Variants in HAUS8 observed in about 807,000 individuals in gnomAD.
HAUS8 encodes the protein HAUS augmin-like complex subunit 8.
HAUS8 carries 38 observed loss-of-function variants against 42.9 expected under a neutral mutation model. The ratio of observed to expected loss-of-function variants is 0.89; its 90% CI spans 0.68 to 1.16. HAUS8 has a LOEUF of 1.16. Ranked by LOEUF, HAUS8 falls within the 50% of genes most tolerant of loss-of-function variation. The pLI, the probability that HAUS8 is intolerant of heterozygous loss-of-function variation, is 0.00. For missense variants in HAUS8, 494 were observed against 511.6 expected (o/e 0.97, Z 0.33); for synonymous variants, 199 against 205.8 (o/e 0.97, Z 0.28).
At chr19:17,053,025 A>AC (rs1337081629) in intron 9 of HAUS8, 59 bp from the exon 10 acceptor site, 1 of 1,604,520 alleles carries the variant, frequency 6.2e-7, no homozygotes, top group Non-Finnish European at 8.5e-7. Flanking sequence ...CAAGGCACAC[A>AC]CAAGTGGAGC....
intron 10 of HAUS8, chr19:17,052,255 A>C (rs2057292045): frequency 6.6e-6 from 1 of 152,142 alleles, no homozygotes; most frequent in Non-Finnish European, 1.5e-5. Context: ...GGCGTGAGCC[A>C]CTGCGCCTGG....
chr19:17,054,891 G>A (rs1243668210), intron 9 of HAUS8, among the ~76,000 whole-genome samples: 1 of 149,432 alleles, frequency 6.7e-6, no homozygotes, highest in Non-Finnish European at 1.5e-5. Context: ...TCTGAGTAGA[G>A]CCTGAGAAGT....
rs751139173 is a variant in HAUS8 at position 17,058,711 on chromosome 19, T to C, written c.487-4A>G. 6.2e-6 allele frequency: 10 copies of C among 1,604,464 alleles called. 1 individual carries two copies. The Admixed American group carries it at 1.2e-4, about 19-fold the overall frequency. On this transcript the variant is annotated splice_polypyrimidine_tract_variant and splice_region_variant and intron_variant, in intron 7 of 10. Coordinates refer to ENST00000253669, the MANE Select transcript of HAUS8 (RefSeq NM_033417.2). Reference sequence around the variant, plus strand: ...ACTCAGCAAGATTGTTCTCCATCTGTTAAATGTGAAAGAAAAGCTCAAGCA... The same window carrying C: ...ACTCAGCAAGATTGTTCTCCATCTGCTAAATGTGAAAGAAAAGCTCAAGCA...
In HAUS8 at chr19:17,058,614, C is replaced by T. The variant is rs373422654; in HGVS notation, c.580G>A (p.Glu194Lys). 64 of 1,613,588 alleles carry T rather than the reference C, an allele frequency of 4.0e-5. No homozygotes were observed. Among genetic ancestry groups the T allele is most frequent in the East Asian group, 2.2e-5 (1 of 44,900 alleles). ...EKEKLQKKAH[E>K]LKRRLLLSQR... Reference sequence around the variant, plus strand: ...GAGAGGAGAAGCCTGCGCTTCAGCTCGTGGGCCTTTTTCTGTAGCTTCTCC... The same window carrying T: ...GAGAGGAGAAGCCTGCGCTTCAGCTTGTGGGCCTTTTTCTGTAGCTTCTCC... The change falls in exon 8 of 11, where the codon GAG becomes AAG. Residue 194 changes from glutamate to lysine, a missense_variant. By Grantham distance (56) the Glu-to-Lys change is moderately conservative (BLOSUM62 1). Transcript: ENST00000253669.
intron 2 of HAUS8, among the ~76,000 whole-genome samples, chr19:17,071,563 G>A (rs2057424086): frequency 6.6e-6 from 1 of 152,186 alleles, no homozygotes; most frequent in South Asian, 2.1e-4. Flanking sequence ...CCAGCAGAAA[G>A]ACCATCCAGC....
At chr19:17,060,296 C>G (rs943844609) in intron 4 of HAUS8, 5 of 531,042 alleles carry the variant, frequency 9.4e-6, no homozygotes, top group Admixed American at 3.3e-5. Context: ...TAAAGTACCA[C>G]TAGAAGACAG....
At chr19:17,075,215 G>T (rs1463420247) in intron 1 of HAUS8, 179 bp downstream of exon 1, 3 of 679,276 alleles carry the variant, frequency 4.4e-6, no homozygotes, top group South Asian at 3.5e-5. Flanking sequence ...CCGGTCGGGT[G>T]TCAGCGCTCC....
chr19:17,055,222 C>A, intron 9 of HAUS8: 1 of 101,974 alleles, frequency 9.8e-6, no homozygotes, highest in South Asian at 3.7e-4. Flanking sequence ...CACGTGTACT[C>A]CTAGCTACTC....
chr19:17,075,297 G>A (rs2057463867), intron 1 of HAUS8, 97 bp downstream of exon 1: 9 of 1,391,044 alleles, frequency 6.5e-6, no homozygotes, highest in Non-Finnish European at 9.2e-6. Context: ...GGTCGAACCC[G>A]AACTCACCCC....
intron 1 of HAUS8, 106 bp from the exon 2 acceptor site, chr19:17,073,441 G>A: frequency 9.9e-7 from 1 of 1,012,862 alleles, no homozygotes; most frequent in Non-Finnish European, 1.6e-6. Context: ...CAGTCCAAGG[G>A]CTGCCAGAGG....
chr19:17,050,046 A>G lies in HAUS8; in HGVS notation c.1060T>C (p.Cys354Arg), dbSNP rs1454093234. ...TTGGGTGCTCCCCCAGATTCTCTGCAGGCACTGTCTTGATTGAAATACCAC... is the reference window on the plus strand; with the variant it reads ...TTGGGTGCTCCCCCAGATTCTCTGCGGGCACTGTCTTGATTGAAATACCAC... Reference protein sequence around the residue: ...SRWYFNQDSACRESGGAPKNT... With the variant: ...SRWYFNQDSARRESGGAPKNT... Residue 354 changes from cysteine to arginine, a missense_variant, in exon 11 of 11, where the codon TGC becomes CGC. Transcript: ENST00000253669. 9.3e-6 allele frequency: 15 copies of G among 1,609,030 alleles called. No individual in the cohort carries two copies. The highest frequency in any genetic ancestry group is 1.3e-5 in the Non-Finnish European group (15 of 1,178,132).
At chr19:17,069,199 C>G (rs1227297509) in intron 2 of HAUS8, 113 bp from the exon 3 acceptor site, 1 of 887,744 alleles carries the variant, frequency 1.1e-6, no homozygotes, top group East Asian at 2.6e-5. Flanking sequence ...CACTCAGTGA[C>G]CAGAACAGAG....
intron 2 of HAUS8, among the ~76,000 whole-genome samples, chr19:17,072,337 C>A (rs2057431127): frequency 7.9e-6 from 1 of 127,206 alleles, no homozygotes; most frequent in African/African-American, 3.1e-5. Context: ...CCGAGCATTT[C>A]CTTTTTTTTT....
chr19:17,055,134 AAAAAAAAAAATATATATATATAT>A (rs2057313414), intron 9 of HAUS8: 1 of 39,036 alleles, frequency 2.6e-5, no homozygotes, highest in Admixed American at 4.7e-4. Context: ...AAAAAAAAAA[AAAAAAAAAAATATATATATATAT>A]ATATATATAT....
intron 1 of HAUS8, chr19:17,074,435 G>T (rs575467949): frequency 6.6e-6 from 1 of 152,404 alleles, no homozygotes; most frequent in Non-Finnish European, 1.5e-5. Flanking sequence ...GCGCTCGCCC[G>T]TAGGCTCCTC....
intron 2 of HAUS8, among the ~76,000 whole-genome samples, chr19:17,070,786 T>C (rs1441712417): frequency 6.6e-6 from 1 of 152,220 alleles, no homozygotes; most frequent in Non-Finnish European, 1.5e-5. Context: ...TGAATGATTC[T>C]AGGCCAGGCG....
intron 10 of HAUS8, 82 bp from the exon 11 acceptor site, chr19:17,050,258 C>T (rs2057279198): frequency 4.6e-6 from 5 of 1,093,232 alleles, no homozygotes; most frequent in Non-Finnish European, 6.1e-6. Flanking sequence ...GGCTGCCACA[C>T]GGGGAGGCGG....
chr19:17,059,666 A>G lies in HAUS8; in HGVS notation c.326-15T>C, dbSNP rs200511871. 4.7e-5 allele frequency: 75 copies of G among 1,588,094 alleles called. No individual in the cohort carries two copies. The Admixed American group carries it at 6.9e-4, about 15-fold the overall frequency. On this transcript the variant is annotated splice_polypyrimidine_tract_variant and intron_variant, in intron 5 of 10. Transcript: ENST00000253669. ...GATGCTTTTGTCTAAGATAAAGCAC[A>G]GCATTTTTAATGGCAAGTAGCGTAT...
chr19:17,075,182 A>G, intron 1 of HAUS8: 1 of 561,634 alleles, frequency 1.8e-6, no homozygotes, highest in Admixed American at 3.1e-5. Flanking sequence ...CCAGCGTCCC[A>G]GCCGAGGACG....
Sources: allele counts gnomAD v4.1 joint callset (sites outside exome capture counted in the v4.1 genomes callset), GRCh38; gene constraint gnomAD v4.1.1; transcripts MANE v1.5; gene names NCBI Gene and HGNC (gene_info 2026-07-23, HGNC 2026-07-21).